The following SORCS2 variants were observed in gnomAD, a reference collection of about 807,000 sequenced individuals.
SORCS2 encodes VPS10 domain-containing receptor SorCS2.
Under a neutral mutation model 141.6 loss-of-function variants are expected in SORCS2, and 100 were observed. The ratio of observed to expected loss-of-function variants is 0.71; its 90% CI spans 0.60 to 0.83. The LOEUF is 0.83. Ranked by LOEUF, SORCS2 falls within the 40% of genes least tolerant of loss-of-function variation. The pLI is 0.00. For synonymous variants in SORCS2, 789 were observed against 676.9 expected (o/e 1.17, Z -2.57); for missense variants, 1,646 against 1,560.2 (o/e 1.05, Z -0.93).
chr4:7,651,750 G>A (rs868033725), intron 4 of SORCS2, among the ~76,000 whole-genome samples: 2 of 152,192 alleles, frequency 1.3e-5, no homozygotes, highest in Non-Finnish European at 2.9e-5. Context: ...TCCCAACCCA[G>A]AACAGAGGGC....
At chr4:7,657,890 G>A (rs934939954) in intron 5 of SORCS2, among the ~76,000 whole-genome samples, 6 of 152,010 alleles carry the variant, frequency 3.9e-5, no homozygotes, top group Admixed American at 3.9e-4. Flanking sequence ...GAGTGAATGA[G>A]TGAGTGAGTG....
intron 14 of SORCS2, among the ~76,000 whole-genome samples, chr4:7,706,072 C>CTGGGCTCCGTCTGGGCAGGGATGAGGG (rs879671946): frequency 7.5e-6 from 1 of 133,980 alleles, no homozygotes. Context: ...AGGGATGAGG[C>CTGGGCTCCGTCTGGGCAGGGATGAGGG]TGGGCTCTGC....
intron 1 of SORCS2, among the ~76,000 whole-genome samples, chr4:7,350,772 T>G (rs77852158): frequency 6.6e-6 from 1 of 152,240 alleles, no homozygotes; most frequent in Non-Finnish European, 1.5e-5. Context: ...TTTCATTGCC[T>G]AGGAGTTCAC....
Position 7,689,497 on chromosome 4 carries a change from C to T in SORCS2, c.1500C>T (p.His500=). The T allele has an allele frequency of 6.3e-7, 1 of 1,595,170 alleles. No individual in the cohort carries two copies. Among genetic ancestry groups the T allele is most frequent in the Non-Finnish European group, 8.5e-7 (1 of 1,170,252 alleles). The change falls in exon 11 of 27, where the codon CAC becomes CAT. Residue 500 remains histidine (H), a synonymous_variant. Transcript: ENST00000507866. ...TCTCTTCCTTGCAGCCAGACTGCCA[C>T]CTGCACCTGCACCTGCGCTGGGCAG... is the stretch of plus-strand genomic sequence containing the variant. The part of the protein sequence containing the change: ...KPTNCKPPDC[H]LHLHLRWADN...
intron 3 of SORCS2, among the ~76,000 whole-genome samples, chr4:7,576,421 A>G (rs1715755562): frequency 6.6e-6 from 1 of 152,252 alleles, no homozygotes; most frequent in Admixed American, 6.5e-5. Context: ...AGGAAAAGAA[A>G]GCGATAGGAA....
intron 3 of SORCS2, among the ~76,000 whole-genome samples, chr4:7,585,885 A>G (rs1182958655): frequency 6.6e-6 from 1 of 152,240 alleles, no homozygotes; most frequent in Non-Finnish European, 1.5e-5. Flanking sequence ...TTCCTTGCAG[A>G]CATCTGAAGG....
chr4:7,231,307 T>A (rs1226363777), intron 1 of SORCS2, among the ~76,000 whole-genome samples: 2 of 152,254 alleles, frequency 1.3e-5, no homozygotes, highest in South Asian at 2.1e-4. Context: ...GAGGCTGGCC[T>A]GCATTGTGGA....
At chr4:7,402,391 T>C (rs1368939220) in intron 2 of SORCS2, among the ~76,000 whole-genome samples, 1 of 152,232 alleles carries the variant, frequency 6.6e-6, no homozygotes, top group African/African-American at 2.4e-5. Flanking sequence ...TATGTATATA[T>C]GTATGTCTCC....
chr4:7,277,513 G>A (rs1020609396), intron 1 of SORCS2, among the ~76,000 whole-genome samples: 8 of 152,296 alleles, frequency 5.3e-5, no homozygotes, highest in East Asian at 1.9e-4. Context: ...GGTCAGCAAG[G>A]TCCTTTGGGC....
intron 12 of SORCS2, among the ~76,000 whole-genome samples, chr4:7,700,665 G>A (rs1725005234): frequency 6.6e-6 from 1 of 152,178 alleles, no homozygotes; most frequent in Non-Finnish European, 1.5e-5. Context: ...CTAGCATTAG[G>A]ACAGAGGATC....
intron 1 of SORCS2, among the ~76,000 whole-genome samples, chr4:7,289,069 G>C (rs977240131): frequency 5.3e-5 from 8 of 152,162 alleles, no homozygotes; most frequent in Non-Finnish European, 8.8e-5. Flanking sequence ...ACTAGATTTT[G>C]GCAGAGCTAG....
At chr4:7,440,437 C>G (rs1361334588) in intron 2 of SORCS2, among the ~76,000 whole-genome samples, 1 of 152,242 alleles carries the variant, frequency 6.6e-6, no homozygotes, top group East Asian at 1.9e-4. Context: ...GAGGCTTTGG[C>G]CCTTTCACCC....
intron 3 of SORCS2, among the ~76,000 whole-genome samples, chr4:7,540,201 CCTCCCTGCCCCTGCCT>C (rs1712510618): frequency 7.6e-6 from 1 of 131,192 alleles, no homozygotes; most frequent in Admixed American, 7.5e-5. Context: ...CCTCCCTGCC[CCTCCCTGCCCCTGCCT>C]CTGCCTCTCC....
intron 1 of SORCS2, among the ~76,000 whole-genome samples, chr4:7,371,284 T>C (rs1323653599): frequency 3.9e-5 from 6 of 152,168 alleles, no homozygotes; most frequent in Non-Finnish European, 7.3e-5. Context: ...GCGCCCTGTG[T>C]GGTGGTGGAT....
chr4:7,649,838 A>G (rs1216673518), intron 4 of SORCS2, among the ~76,000 whole-genome samples: 1 of 152,176 alleles, frequency 6.6e-6, no homozygotes, highest in Admixed American at 6.5e-5. Flanking sequence ...CTGCAACAGC[A>G]GTGACATCCA....
Position 7,654,174 on chromosome 4 carries a change from T to C in SORCS2, c.854T>C (p.Leu285Pro). The change falls in exon 5 of 27, where the codon CTG becomes CCG. Residue 285 changes from leucine (L) to proline (P), a missense_variant. Physicochemically the swap from Leu to Pro is moderately conservative, Grantham distance 98. Transcript: ENST00000507866. ...GACTTGGGGAAAAAGTGGACACTTC[T>C]GCAAGAGCGAGTGACCAAAGACCAC... ...SSDLGKKWTL[L>P]QERVTKDHVF... 1.3e-6 allele frequency: 2 copies of C among 1,583,694 alleles called. No homozygotes were observed. Among genetic ancestry groups the C allele is most frequent in the Non-Finnish European group, 1.7e-6 (2 of 1,163,454 alleles).
In SORCS2 at chr4:7,437,040, C is replaced by T. The variant is rs79295974; in HGVS notation, c.548+40685C>T. On this transcript the variant is annotated intron_variant, in intron 2 of 26. Transcript: ENST00000507866. ...GGACTGGGGTGTTTTCCAACACCAA[C>T]GACCGATTCTTACAGACGCCAACTG... 9.6e-3 allele frequency among the ~76,000 whole-genome samples: 1,461 copies of T among 152,222 alleles called. 7 individuals carry two copies. Among genetic ancestry groups the T allele is most frequent in the Non-Finnish European group, 0.016 (1,075 of 68,012 alleles).
intron 2 of SORCS2, among the ~76,000 whole-genome samples, chr4:7,481,540 G>A (rs1730635357): frequency 1.3e-5 from 2 of 152,180 alleles, no homozygotes; most frequent in African/African-American, 4.8e-5. Context: ...GGAGAGGTCG[G>A]GGGAGCCGAG....
Position 7,193,500 on chromosome 4 carries a change from ACT to A in SORCS2, c.480+376_480+377del. ...TCGGCGTTACCTCCCCTGCCCCCAG[ACT>A]CCACCAGCTGAGCGTCGCGTTCTGG... On this transcript the variant is annotated intron_variant, in intron 1 of 26. Coordinates refer to ENST00000507866, the MANE Select transcript of SORCS2 (RefSeq NM_020777.3). The surrounding 1 kb of genome is among the most constrained non-coding windows in gnomAD (Gnocchi z 4.8). 6.6e-6 allele frequency among the ~76,000 whole-genome samples: 1 copy of A among 151,620 alleles called. No individual in the cohort carries two copies. Among genetic ancestry groups the A allele is most frequent in the East Asian group, 1.9e-4 (1 of 5,138 alleles).
Sources: gnomAD v4.1 joint callset for allele counts (sites outside exome capture counted in the v4.1 genomes callset) on GRCh38, gnomAD v4.1.1 for gene constraint, Gnocchi (gnomAD v3.1) non-coding constraint, MANE v1.5 for transcripts, NCBI Gene and HGNC (gene_info 2026-07-23, HGNC 2026-07-21) for gene names.